Variants in THSD7A observed in about 807,000 individuals in gnomAD.
THSD7A encodes the protein thrombospondin type-1 domain-containing protein 7A.
Under a neutral mutation model 231.3 loss-of-function variants are expected in THSD7A, and 96 were observed. That is an observed-to-expected ratio of 0.41 (90% CI 0.35 to 0.49). The LOEUF is 0.49. THSD7A is among the 20% of genes least tolerant of loss of function. The probability of loss-of-function intolerance (pLI) is 0.05; values close to 1 mark genes in which losing one functional copy is unlikely to be tolerated. For missense variants in THSD7A, 2,290 were observed against 2,070.2 expected, an observed-to-expected ratio of 1.11 and a Z score of -2.06; for synonymous variants, 940 against 743.3, an observed-to-expected ratio of 1.26 and a Z score of -4.30.
chr7:11,474,435 G>A lies in THSD7A; in HGVS notation c.2151C>T (p.Asn717=), dbSNP rs1156530012. ...CCTCCCCATTCCAAGTCGTAGTTGT[G>A]TTGAAGGACGATACTGAGGTGTCCT... ...CIEDTSVSSF[N]TTTTWNGEAS... Residue 717 remains asparagine (N), a synonymous_variant, in exon 8 of 28, where the codon AAC becomes AAT. Transcript: ENST00000423059. The surrounding 1 kb of genome is among the most constrained non-coding windows in gnomAD (Gnocchi z 4.1). The A allele has an allele frequency of 6.2e-7, 1 of 1,613,608 alleles. No homozygotes were observed. Among genetic ancestry groups the A allele is most frequent in the Non-Finnish European group, 8.5e-7 (1 of 1,179,626 alleles).
In THSD7A at chr7:11,636,064, G is replaced by C; in HGVS notation, c.1022+66C>G. ...ATCCAGAAGTTATTAGATAGTACCG[G>C]ATATCTTAGGTACTCATGATTCTTG... is the stretch of plus-strand genomic sequence containing the variant. On this transcript the variant is annotated intron_variant, in intron 2 of 27. Coordinates refer to ENST00000423059, the MANE Select transcript of THSD7A (RefSeq NM_015204.3). This position sits in a 1 kb window ranked among gnomAD's most constrained non-coding sequence, Gnocchi z 10.0. 7.2e-7 allele frequency: 1 copy of C among 1,395,788 alleles called. No individual in the cohort carries two copies. Among genetic ancestry groups the C allele is most frequent in the Non-Finnish European group, 9.9e-7 (1 of 1,014,744 alleles). 86.5% of individuals were successfully genotyped at this position (1,395,788 alleles called of 1,614,324 possible).
chr7:11,709,414 T>A (rs937765190), intron 1 of THSD7A, among the ~76,000 whole-genome samples: 1 of 150,762 alleles, frequency 6.6e-6, no homozygotes, highest in Non-Finnish European at 1.5e-5. Context: ...TGCTATGCTT[T>A]CTAACTTACC....
rs1001074702 is a variant in THSD7A, at chr7:11,682,978, T to C, written c.191-46017A>G. On this transcript the variant is annotated intron_variant, in intron 1 of 27. Coordinates refer to ENST00000423059, the MANE Select transcript of THSD7A (RefSeq NM_015204.3). ...TCTCTACTAAAAATACAAATATTAGTTGGCACGGTGGCAGGTGTCCATAAT... is the reference window on the plus strand; with the variant it reads ...TCTCTACTAAAAATACAAATATTAGCTGGCACGGTGGCAGGTGTCCATAAT... Among the ~76,000 whole-genome samples, 4 of 151,622 alleles carry C rather than the reference T, an allele frequency of 2.6e-5. 1 individual carries two copies. The South Asian group carries it at 8.3e-4, about 32-fold the overall frequency.
intron 1 of THSD7A, among the ~76,000 whole-genome samples, chr7:11,721,468 C>T (rs1486025370): frequency 1.3e-5 from 2 of 151,854 alleles, no homozygotes; most frequent in East Asian, 3.9e-4. Context: ...TCTGCCATGA[C>T]TGTAAGTTTC....
chr7:11,743,721 C>A (rs1022290870), intron 1 of THSD7A, among the ~76,000 whole-genome samples: 7 of 151,820 alleles, frequency 4.6e-5, no homozygotes, highest in Non-Finnish European at 1.0e-4. Context: ...AAATAGAGGT[C>A]TGTCCAATTC....
chr7:11,523,536 C>CA (rs1788352224), intron 6 of THSD7A, among the ~76,000 whole-genome samples: 1 of 151,792 alleles, frequency 6.6e-6, no homozygotes, highest in Non-Finnish European at 1.5e-5. Flanking sequence ...TAATCCCTGA[C>CA]AAAAAATTAC....
chr7:11,716,626 G>C (rs1032215114), intron 1 of THSD7A, among the ~76,000 whole-genome samples: 2 of 144,710 alleles, frequency 1.4e-5, no homozygotes, highest in African/African-American at 5.1e-5. Context: ...AGACTATACA[G>C]TAGGGGTTTT....
In THSD7A at chr7:11,438,853, G is replaced by A. The variant is rs547164372; in HGVS notation, c.3064+7208C>T. On this transcript the variant is annotated intron_variant, in intron 13 of 27. Transcript: ENST00000423059. ...AATATTGTATTTTGTTTGACAATCC[G>A]GTAGTAAATAAACCTAGAACCCTCT... is the stretch of plus-strand genomic sequence containing the variant. 1.3e-4 allele frequency among the ~76,000 whole-genome samples: 19 copies of A among 151,920 alleles called. No homozygotes were observed. The South Asian group carries it at 1.5e-3, about 12-fold the overall frequency.
Position 11,712,120 on chromosome 7 carries a change from GTA to G in THSD7A, c.191-75161_191-75160del, listed in dbSNP as rs528866372. 2.3e-3 allele frequency among the ~76,000 whole-genome samples: 353 copies of G among 151,060 alleles called. 4 individuals are homozygous for G. Among genetic ancestry groups the G allele is most frequent in the East Asian group, 1.8e-3 (9 of 5,092 alleles). On this transcript the variant is annotated intron_variant, in intron 1 of 27. Transcript: ENST00000423059. ...GGAAAAAACTAGACTTCTGTCTATG[GTA>G]TATGTTTCCAAGTTATCCTCCAGCT...
chr7:11,721,542 T>C lies in THSD7A; in HGVS notation c.191-84581A>G, dbSNP rs561047106. Among the ~76,000 whole-genome samples the C allele has an allele frequency of 6.2e-5, 9 of 144,428 alleles. No individual in the cohort carries two copies. The East Asian group carries it at 1.8e-3, about 29-fold the overall frequency. 94.8% of individuals were successfully genotyped at this position (144,428 alleles called of 152,430 possible). Reference sequence around the variant, plus strand: ...GAACTGTGAGTCAATAAAACCTCTTTTCTTCATAAGTTACCTAGTCTCAGG... The same window carrying C: ...GAACTGTGAGTCAATAAAACCTCTTCTCTTCATAAGTTACCTAGTCTCAGG... On this transcript the variant is annotated intron_variant, in intron 1 of 27. Coordinates refer to ENST00000423059, the MANE Select transcript of THSD7A (RefSeq NM_015204.3).
intron 6 of THSD7A, among the ~76,000 whole-genome samples, chr7:11,505,384 A>G (rs1329569306): frequency 5.3e-5 from 8 of 152,020 alleles, no homozygotes; most frequent in Non-Finnish European, 5.9e-5. Flanking sequence ...TGATGATTTC[A>G]GTACTTAAAA....
chr7:11,523,138 T>C (rs962094589), intron 6 of THSD7A, among the ~76,000 whole-genome samples: 1 of 152,156 alleles, frequency 6.6e-6, no homozygotes, highest in African/African-American at 2.4e-5. Context: ...TCTATATTGC[T>C]TTTGTACTTT....
intron 1 of THSD7A, among the ~76,000 whole-genome samples, chr7:11,830,905 A>G (rs922022660): frequency 6.6e-6 from 1 of 152,174 alleles, no homozygotes; most frequent in Non-Finnish European, 1.5e-5. Flanking sequence ...ATCTTTTCCC[A>G]TTTTATTCCT....
chr7:11,592,887 T>A (rs990604310), intron 3 of THSD7A, among the ~76,000 whole-genome samples: 1 of 152,156 alleles, frequency 6.6e-6, no homozygotes, highest in Non-Finnish European at 1.5e-5. Flanking sequence ...AAAATTGTAT[T>A]GGAACACAGC....
At chr7:11,660,944 C>T (rs752106684) in intron 1 of THSD7A, among the ~76,000 whole-genome samples, 8 of 151,320 alleles carry the variant, frequency 5.3e-5, no homozygotes, top group East Asian at 1.9e-4. Context: ...GCCAAGATCT[C>T]GGACAAAAAT....
chr7:11,513,188 G>C (rs560253854), intron 6 of THSD7A, among the ~76,000 whole-genome samples: 1 of 151,652 alleles, frequency 6.6e-6, no homozygotes, highest in African/African-American at 2.4e-5. Context: ...AGGGATAAAA[G>C]ACAACAAATG....
At chr7:11,773,806 A>T (rs1172692378) in intron 1 of THSD7A, among the ~76,000 whole-genome samples, 2 of 152,156 alleles carry the variant, frequency 1.3e-5, no homozygotes, top group Admixed American at 1.3e-4. Context: ...TCATTTTAAA[A>T]ATTAAAAATA....
chr7:11,385,602 T>C (rs1782707382), intron 23 of THSD7A: 1 of 151,100 alleles, frequency 6.6e-6, no homozygotes, highest in African/African-American at 2.4e-5. Flanking sequence ...GTTATCTTTG[T>C]ATTTCAACAA....
chr7:11,764,620 T>G (rs1562538127), intron 1 of THSD7A, among the ~76,000 whole-genome samples: 2 of 151,648 alleles, frequency 1.3e-5, no homozygotes, highest in Non-Finnish European at 2.9e-5. Flanking sequence ...TACAATTACC[T>G]TAGTTTCTCA....
Sources: gnomAD v4.1 joint callset for allele counts (sites outside exome capture counted in the v4.1 genomes callset) on GRCh38, gnomAD v4.1.1 for gene constraint, Gnocchi (gnomAD v3.1) non-coding constraint, MANE v1.5 for transcripts, NCBI Gene and HGNC (gene_info 2026-07-23, HGNC 2026-07-21) for gene names.